CDH13: variants seen among roughly 807,000 people sequenced by gnomAD.
CDH13 encodes cadherin 13.
In CDH13, 24 loss-of-function variants were observed where a neutral mutation model predicts 63.8. That is an observed-to-expected ratio of 0.38 (90% CI 0.27 to 0.53). The LOEUF (loss-of-function observed/expected upper bound fraction) is 0.53, where lower values mean the gene tolerates loss of function less well. Among genes scored for constraint, CDH13 ranks in the 20% least tolerant of loss-of-function variants. The pLI is 0.85. For synonymous variants in CDH13, 503 were observed against 355.3 expected (o/e 1.42, Z -4.67); for missense variants, 1,049 against 903.1 (o/e 1.16, Z -2.07).
chr16:83,417,104 A>T (rs2071572867), intron 6 of CDH13, among the ~76,000 whole-genome samples: 2 of 152,174 alleles, frequency 1.3e-5, no homozygotes, highest in African/African-American at 4.8e-5. Context: ...TATTATTCCT[A>T]CTTTACAGAT....
intron 7 of CDH13, among the ~76,000 whole-genome samples, chr16:83,499,051 G>GT (rs1161866046): frequency 3.3e-5 from 5 of 152,210 alleles, no homozygotes. Flanking sequence ...GAAGTTTCTT[G>GT]TGATCAAATA....
chr16:83,685,916 G>C (rs1473169533), intron 10 of CDH13, among the ~76,000 whole-genome samples: 1 of 152,180 alleles, frequency 6.6e-6, no homozygotes, highest in Non-Finnish European at 1.5e-5. Context: ...CATGGGTTTT[G>C]AGAATGATGG....
At chr16:83,371,781 C>T (rs556410787) in intron 6 of CDH13, among the ~76,000 whole-genome samples, 2 of 152,248 alleles carry the variant, frequency 1.3e-5, no homozygotes, top group East Asian at 1.9e-4. Flanking sequence ...GTGGATAGTA[C>T]CCCTGAATGG....
Position 83,279,201 on chromosome 16 carries a change from G to T in CDH13, c.636+61704G>T, listed in dbSNP as rs182118683. Among the ~76,000 whole-genome samples the T allele has an allele frequency of 7.7e-4, 117 of 152,118 alleles. 2 individuals are homozygous for T. The highest frequency in any genetic ancestry group is 1.5e-4 in the Non-Finnish European group (10 of 68,014). On this transcript the variant is annotated intron_variant, in intron 5 of 13. Transcript: ENST00000567109. Reference sequence around the variant, plus strand: ...AATTCCATGTCATAGATACAAACGAGTCTAATATCAGGGCTAGATTTATTC... The same window carrying T: ...AATTCCATGTCATAGATACAAACGATTCTAATATCAGGGCTAGATTTATTC...
At chr16:83,114,942 C>T (rs1427204837) in intron 3 of CDH13, among the ~76,000 whole-genome samples, 1 of 152,226 alleles carries the variant, frequency 6.6e-6, no homozygotes, top group Non-Finnish European at 1.5e-5. Context: ...AGATTGGCTT[C>T]TGCAGTTCCA....
chr16:83,544,819 C>G (rs1414959943), intron 7 of CDH13, among the ~76,000 whole-genome samples: 1 of 152,132 alleles, frequency 6.6e-6, no homozygotes, highest in Non-Finnish European at 1.5e-5. Context: ...TATAACAGTT[C>G]AAAGGGTATC....
At chr16:83,311,287 C>T (rs534635431) in intron 5 of CDH13, among the ~76,000 whole-genome samples, 18 of 151,852 alleles carry the variant, frequency 1.2e-4, no homozygotes, top group South Asian at 2.1e-4. Context: ...ATGTGTGTCC[C>T]GGTGTGTGAA....
intron 5 of CDH13, among the ~76,000 whole-genome samples, chr16:83,249,398 A>T (rs1905269828): frequency 6.6e-6 from 1 of 152,158 alleles, no homozygotes; most frequent in South Asian, 2.1e-4. Context: ...TTCTTCACAG[A>T]GCTGGTGGTT....
At chr16:82,873,264 A>G (rs903754664) in intron 2 of CDH13, among the ~76,000 whole-genome samples, 3 of 152,302 alleles carry the variant, frequency 2.0e-5, no homozygotes, top group African/African-American at 2.4e-5. Flanking sequence ...GATACATTTA[A>G]TCATCTCAAA....
intron 6 of CDH13, among the ~76,000 whole-genome samples, chr16:83,351,848 G>A (rs963665637): frequency 5.9e-5 from 9 of 152,200 alleles, no homozygotes; most frequent in African/African-American, 2.2e-4. Flanking sequence ...TCATGCAGCA[G>A]GATACAATAG....
At chr16:83,227,044 C>T (rs1011624579) in intron 5 of CDH13, among the ~76,000 whole-genome samples, 4 of 152,216 alleles carry the variant, frequency 2.6e-5, no homozygotes, top group Non-Finnish European at 4.4e-5. Context: ...CGCTGGGACC[C>T]TGAAGTGTGT....
At chr16:82,680,917 A>G (rs377236396) in intron 1 of CDH13, among the ~76,000 whole-genome samples, 2 of 152,242 alleles carry the variant, frequency 1.3e-5, no homozygotes, top group Non-Finnish European at 2.9e-5. Context: ...TCACTTGCTC[A>G]GTAGCTCCCA....
intron 11 of CDH13, among the ~76,000 whole-genome samples, chr16:83,767,613 G>A (rs1189881203): frequency 6.6e-6 from 1 of 152,134 alleles, no homozygotes; most frequent in South Asian, 2.1e-4. Flanking sequence ...TCCATCAGCT[G>A]GTGAGTAGAT....
chr16:82,719,190 A>G (rs2032596289), intron 1 of CDH13, among the ~76,000 whole-genome samples: 1 of 152,142 alleles, frequency 6.6e-6, no homozygotes, highest in South Asian at 2.1e-4. Flanking sequence ...TGGGGGAAAG[A>G]TGCAAGCTCT....
chr16:82,881,944 A>G (rs1466250491), intron 2 of CDH13, among the ~76,000 whole-genome samples: 1 of 152,206 alleles, frequency 6.6e-6, no homozygotes, highest in African/African-American at 2.4e-5. Context: ...TTTAACCTGC[A>G]GTACTAATTC....
At chr16:83,059,075 C>G (rs546799380) in intron 3 of CDH13, among the ~76,000 whole-genome samples, 1 of 152,048 alleles carries the variant, frequency 6.6e-6, no homozygotes, top group Non-Finnish European at 1.5e-5. Context: ...GAGGTGGTCC[C>G]AGGAAGCAGA....
intron 8 of CDH13, among the ~76,000 whole-genome samples, chr16:83,645,590 A>T (rs1235005554): frequency 6.6e-6 from 1 of 151,314 alleles, no homozygotes; most frequent in African/African-American, 2.4e-5. Flanking sequence ...CCATCAGAAC[A>T]CCCCCAACCT....
intron 2 of CDH13, among the ~76,000 whole-genome samples, chr16:82,979,023 C>T (rs1339244035): frequency 1.3e-5 from 2 of 152,328 alleles, no homozygotes; most frequent in Middle Eastern, 3.4e-3. Flanking sequence ...CATCATCATG[C>T]CCTAGATGTG....
rs529717301 is a variant in CDH13 at position 83,483,107 on chromosome 16, A to G, written c.782-3370A>G. ...ACCGAGGCTCAGAGAGAGATGAATA[A>G]TGTGGCCACGGTCACGCAGCTTGAA... On this transcript the variant is annotated intron_variant, in intron 6 of 13. Transcript: ENST00000567109. Among the ~76,000 whole-genome samples the G allele has an allele frequency of 5.3e-5, 8 of 152,338 alleles. No individual in the cohort carries two copies. The East Asian group carries it at 1.4e-3, about 26-fold the overall frequency.
Sources: allele counts gnomAD v4.1 joint callset (sites outside exome capture counted in the v4.1 genomes callset), GRCh38; gene constraint gnomAD v4.1.1; transcripts MANE v1.5; gene names NCBI Gene and HGNC (gene_info 2026-07-23, HGNC 2026-07-21).